The following DAAM1 variants were observed in gnomAD, a reference collection of about 807,000 sequenced individuals.
DAAM1 encodes dishevelled associated activator of morphogenesis 1.
In DAAM1, 52 loss-of-function variants were observed where a neutral mutation model predicts 130.0. The observed-to-expected ratio is 0.40, with a 90% CI of 0.32 to 0.50. DAAM1 has a LOEUF of 0.50. Ranked by LOEUF, DAAM1 falls within the 20% of genes least tolerant of loss-of-function variation. DAAM1 has a pLI of 0.61. For synonymous variants in DAAM1, 452 were observed against 444.5 expected (o/e 1.02, Z -0.21); for missense variants, 1,134 against 1,303.8 (o/e 0.87, Z 2.01).
At chr14:59,328,220 A>G (rs1885283295) in intron 12 of DAAM1, among the ~76,000 whole-genome samples, 1 of 152,248 alleles carries the variant, frequency 6.6e-6, no homozygotes, top group Non-Finnish European at 1.5e-5. Flanking sequence ...CCAATTGTGA[A>G]CTAACTACTG....
intron 3 of DAAM1, among the ~76,000 whole-genome samples, chr14:59,292,715 T>C (rs1883799150): frequency 6.6e-6 from 1 of 152,240 alleles, no homozygotes; most frequent in African/African-American, 2.4e-5. Context: ...TGGTGGCCTT[T>C]TCTGAGAAAT....
At chr14:59,233,306 T>C (rs1047259041) in intron 1 of DAAM1, among the ~76,000 whole-genome samples, 39 of 152,216 alleles carry the variant, frequency 2.6e-4, no homozygotes, top group Admixed American at 2.2e-3. Flanking sequence ...ATCTATTGTT[T>C]CCTGATTTTT....
At chr14:59,205,170 T>C (rs972095835) in intron 1 of DAAM1, among the ~76,000 whole-genome samples, 1 of 152,248 alleles carries the variant, frequency 6.6e-6, no homozygotes, top group Non-Finnish European at 1.5e-5. Flanking sequence ...TTCTGTTTAC[T>C]CTAGTTCCTG....
intron 20 of DAAM1, among the ~76,000 whole-genome samples, chr14:59,356,062 G>A (rs971658914): frequency 6.6e-6 from 1 of 152,174 alleles, no homozygotes; most frequent in African/African-American, 2.4e-5. Flanking sequence ...GTCATTAACA[G>A]GGTAGGGTCA....
Position 59,313,681 on chromosome 14 carries a change from G to C in DAAM1, c.274-1599G>C, listed in dbSNP as rs530978210. On this transcript the variant is annotated intron_variant, in intron 3 of 24. Transcript: ENST00000360909. ...CCATTGAATATCACTGTGAGTTTTG[G>C]CTTGTTAAATACATTGGTAAGAGTG... Among the ~76,000 whole-genome samples, 17 of 152,260 alleles carry C rather than the reference G, an allele frequency of 1.1e-4. No homozygotes were observed. In the South Asian group the frequency reaches 3.5e-3, roughly 32 times the overall value.
chr14:59,223,560 A>G (rs899761158), intron 1 of DAAM1, among the ~76,000 whole-genome samples: 3 of 152,136 alleles, frequency 2.0e-5, no homozygotes, highest in African/African-American at 7.2e-5. Flanking sequence ...GCTGGATCAT[A>G]TGGCCCCAGT....
intron 1 of DAAM1, among the ~76,000 whole-genome samples, chr14:59,223,220 CT>C (rs2139430663): frequency 6.6e-6 from 1 of 152,346 alleles, no homozygotes; most frequent in South Asian, 2.1e-4. Context: ...CTGCTTTCGC[CT>C]GATCGTGTAT....
At chr14:59,198,133 G>A (rs1037468098) in intron 1 of DAAM1, among the ~76,000 whole-genome samples, 5 of 152,032 alleles carry the variant, frequency 3.3e-5, no homozygotes, top group East Asian at 3.9e-4. Flanking sequence ...GCGTACACTC[G>A]GGGACATTCA....
At chr14:59,357,492 A>G (rs1886527822) in intron 20 of DAAM1, among the ~76,000 whole-genome samples, 1 of 152,126 alleles carries the variant, frequency 6.6e-6, no homozygotes, top group Non-Finnish European at 1.5e-5. Context: ...CAAAATTGAA[A>G]TGGAGGCTGG....
chr14:59,353,071 G>C (rs1886349032), intron 18 of DAAM1, among the ~76,000 whole-genome samples: 1 of 152,006 alleles, frequency 6.6e-6, no homozygotes, highest in Admixed American at 6.6e-5. Context: ...GAACAACCAG[G>C]GTCTAGATGT....
chr14:59,369,129 A>C lies in DAAM1; in HGVS notation c.*270A>C. Reference sequence around the variant, plus strand: ...ACCTTTCGTGTATGCATTCACATTGAGTGTGGCTCATTTTCTTTCCCCGAA... The same window carrying C: ...ACCTTTCGTGTATGCATTCACATTGCGTGTGGCTCATTTTCTTTCCCCGAA... On this transcript the variant is annotated 3_prime_UTR_variant, in exon 25 of 25. Coordinates refer to ENST00000360909, the MANE Select transcript of DAAM1 (RefSeq NM_001270520.2). 3.1e-6 allele frequency: 1 copy of C among 317,794 alleles called. No homozygotes were observed. The highest frequency in any genetic ancestry group is 5.8e-6 in the Non-Finnish European group (1 of 172,054). The allele number at this position is 317,794 out of a possible 1,614,324, so 19.7% of individuals were successfully genotyped here.
intron 1 of DAAM1, among the ~76,000 whole-genome samples, chr14:59,254,307 G>A (rs1400586064): frequency 6.6e-6 from 1 of 152,188 alleles, no homozygotes; most frequent in Non-Finnish European, 1.5e-5. Context: ...AACTGCTGGT[G>A]ATTCAGGAAA....
intron 4 of DAAM1, among the ~76,000 whole-genome samples, chr14:59,319,505 A>G (rs970351476): frequency 1.8e-4 from 28 of 152,260 alleles, no homozygotes; most frequent in African/African-American, 9.6e-5. Flanking sequence ...AGTCACCCCA[A>G]TCTGTTTCTC....
At chr14:59,345,031 T>C (rs1594838471) in intron 16 of DAAM1, among the ~76,000 whole-genome samples, 1 of 152,104 alleles carries the variant, frequency 6.6e-6, no homozygotes. Context: ...TTAGTGGCAG[T>C]TTCAGCCCTC....
intron 22 of DAAM1, 134 bp from the exon 23 acceptor site, chr14:59,363,517 A>C (rs565658996): frequency 1.5e-6 from 2 of 1,327,458 alleles, no homozygotes; most frequent in Non-Finnish European, 1.0e-6. Context: ...AGTATAACAA[A>C]ATGTTTTAGA....
Position 59,268,556 on chromosome 14 carries a change from A to G in DAAM1, c.183+4896A>G, listed in dbSNP as rs146975795. On this transcript the variant is annotated intron_variant, in intron 2 of 24. Transcript: ENST00000360909. ...AGACAACTGCTTTTAAAGCTGTTCT[A>G]TATCTCCTGAAGAACTGAGGACAAA... Among the ~76,000 whole-genome samples the G allele has an allele frequency of 3.7e-3, 568 of 152,306 alleles. 5 individuals are homozygous for G. Among genetic ancestry groups the G allele is most frequent in the African/African-American group, 0.012 (515 of 41,564 alleles).
At chr14:59,239,377 C>T (rs1038623531) in intron 1 of DAAM1, among the ~76,000 whole-genome samples, 1 of 152,172 alleles carries the variant, frequency 6.6e-6, no homozygotes, top group African/African-American at 2.4e-5. Flanking sequence ...AACACAGTCT[C>T]CTTATTGTCA....
intron 3 of DAAM1, among the ~76,000 whole-genome samples, chr14:59,295,112 C>G (rs538803252): frequency 1.4e-4 from 21 of 152,278 alleles, no homozygotes; most frequent in African/African-American, 5.1e-4. Context: ...GCTGTGATGA[C>G]AGCAGATATT....
chr14:59,195,001 G>GAAATAGGAAATAATAGGAAA (rs1328431584), intron 1 of DAAM1, among the ~76,000 whole-genome samples: 2 of 152,232 alleles, frequency 1.3e-5, no homozygotes, highest in African/African-American at 4.8e-5. Context: ...GGAAAGCTAT[G>GAAATAGGAAATAATAGGAAA]CCTTAACGGC....
Sources: allele counts gnomAD v4.1 joint callset (sites outside exome capture counted in the v4.1 genomes callset), GRCh38; gene constraint gnomAD v4.1.1; transcripts MANE v1.5; gene names NCBI Gene and HGNC (gene_info 2026-07-23, HGNC 2026-07-21).